The following SUCLG2 variants were observed in gnomAD, a reference collection of about 807,000 sequenced individuals.
The protein encoded by SUCLG2 is succinate-CoA ligase GDP-forming subunit beta, also known as succinate--CoA ligase [GDP-forming] subunit beta, mitochondrial.
A neutral mutation model predicts 47.9 loss-of-function variants in SUCLG2; 42 were observed. That is an observed-to-expected ratio of 0.88 (90% CI 0.69 to 1.14). The LOEUF is 1.14. Among genes scored for constraint, SUCLG2 ranks in the 50% most tolerant of loss-of-function variants. The pLI is 0.00. For missense variants in SUCLG2, 571 were observed against 525.9 expected (o/e 1.09, Z -0.84); for synonymous variants, 195 against 197.3 (o/e 0.99, Z 0.10).
chr3:67,490,778 A>C (rs1705183314), intron 9 of SUCLG2, among the ~76,000 whole-genome samples: 1 of 152,190 alleles, frequency 6.6e-6, no homozygotes, highest in Non-Finnish European at 1.5e-5. Flanking sequence ...ATGTCTATAG[A>C]TGAGGTAATA....
intron 9 of SUCLG2, among the ~76,000 whole-genome samples, chr3:67,439,207 T>C (rs1285412513): frequency 6.6e-6 from 1 of 152,208 alleles, no homozygotes; most frequent in African/African-American, 2.4e-5. Flanking sequence ...CTAAAAACTC[T>C]GAATAAACTT....
At chr3:67,631,164 T>C (rs1241063927) in intron 1 of SUCLG2, among the ~76,000 whole-genome samples, 1 of 152,134 alleles carries the variant, frequency 6.6e-6, no homozygotes, top group Non-Finnish European at 1.5e-5. Context: ...AGTGCAGGTA[T>C]GTGAAGACAT....
At chr3:67,362,877 T>A (rs1159957610) in intron 10 of SUCLG2, among the ~76,000 whole-genome samples, 2 of 152,166 alleles carry the variant, frequency 1.3e-5, no homozygotes, top group Non-Finnish European at 2.9e-5. Context: ...TATGGAGTAG[T>A]CCAGCCTGCT....
chr3:67,653,555 T>C (rs1191420192), intron 1 of SUCLG2, among the ~76,000 whole-genome samples: 1 of 152,248 alleles, frequency 6.6e-6, no homozygotes, highest in Non-Finnish European at 1.5e-5. Context: ...ATGCACATCC[T>C]GGTTAAAATT....
Position 67,558,835 on chromosome 3 carries a change from AATGATCCTTTTACCCTTACC to A in SUCLG2, c.227-29669_227-29650del, listed in dbSNP as rs1289058339. 3.9e-5 allele frequency among the ~76,000 whole-genome samples: 6 copies of A among 152,296 alleles called. No individual in the cohort carries two copies. The East Asian group carries it at 1.2e-3, about 29-fold the overall frequency. On this transcript the variant is annotated intron_variant, in intron 2 of 10. Transcript: ENST00000307227. ...CTCAGGCTGGTTTGTTAACCAGATC[AATGATCCTTTTACCCTTACC>A]ATATGGTATAATTTTGTTAATTCCC...
At chr3:67,518,484 G>T in intron 5 of SUCLG2, 148 bp from the exon 6 acceptor site, 2 of 642,868 alleles carry the variant, frequency 3.1e-6, no homozygotes, top group Non-Finnish European at 5.0e-6. Context: ...TACCGCAGAT[G>T]CCTGTAGGGT....
At chr3:67,551,309 G>A (rs1328692935) in intron 2 of SUCLG2, among the ~76,000 whole-genome samples, 2 of 152,216 alleles carry the variant, frequency 1.3e-5, no homozygotes, top group African/African-American at 2.4e-5. Flanking sequence ...GATAGGATTC[G>A]CCTGCTACAA....
At position 67,492,019 on chromosome 3, in the gene SUCLG2, G is replaced by C. The variant is rs868675891; in HGVS notation, c.1062+3779C>G. On this transcript the variant is annotated intron_variant, in intron 9 of 10. Coordinates refer to ENST00000307227, the MANE Select transcript of SUCLG2 (RefSeq NM_003848.4). ...CAGTCTGGCATAAGAATCCCACTAA[G>C]AGTCCCTTCCATTCTTCAACTTGTC... Among the ~76,000 whole-genome samples, 3 of 152,218 alleles carry C rather than the reference G, an allele frequency of 2.0e-5. No individual in the cohort carries two copies. The South Asian group carries it at 6.2e-4, about 32-fold the overall frequency.
intron 10 of SUCLG2, among the ~76,000 whole-genome samples, chr3:67,368,946 T>C (rs967935978): frequency 1.3e-5 from 2 of 152,170 alleles, no homozygotes; most frequent in African/African-American, 2.4e-5. Context: ...ACATTTATTA[T>C]GTTAAATTAG....
chr3:67,480,665 G>A (rs1017181950), intron 9 of SUCLG2, among the ~76,000 whole-genome samples: 1 of 152,182 alleles, frequency 6.6e-6, no homozygotes, highest in African/African-American at 2.4e-5. Context: ...CCTCTTTCAT[G>A]AGCTTCCACA....
intron 9 of SUCLG2, among the ~76,000 whole-genome samples, chr3:67,485,614 A>C (rs1705030281): frequency 6.6e-6 from 1 of 152,224 alleles, no homozygotes; most frequent in South Asian, 2.1e-4. Flanking sequence ...TTAAAATGAT[A>C]ATAGTGGTTG....
At chr3:67,492,022 T>C (rs1705220214) in intron 9 of SUCLG2, among the ~76,000 whole-genome samples, 2 of 151,884 alleles carry the variant, frequency 1.3e-5, no homozygotes, top group African/African-American at 4.8e-5. Flanking sequence ...CCACTAAGAG[T>C]CCCTTCCATT....
chr3:67,449,677 G>A lies in SUCLG2; in HGVS notation c.1062+46121C>T, dbSNP rs182062023. ...GTTGCCCAGGCTGGGGTGCAGTGGCGTGACCTCGCTCACTGGAGCTTCTAC... is the reference window on the plus strand; with the variant it reads ...GTTGCCCAGGCTGGGGTGCAGTGGCATGACCTCGCTCACTGGAGCTTCTAC... On this transcript the variant is annotated intron_variant, in intron 9 of 10. Coordinates refer to ENST00000307227, the MANE Select transcript of SUCLG2 (RefSeq NM_003848.4). 1.5e-3 allele frequency among the ~76,000 whole-genome samples: 231 copies of A among 150,180 alleles called. 4 individuals are homozygous for A. The highest frequency in any genetic ancestry group is 0.012 in the Admixed American group (175 of 15,108).
chr3:67,639,705 A>G (rs1016328137), intron 1 of SUCLG2, among the ~76,000 whole-genome samples: 7 of 152,088 alleles, frequency 4.6e-5, no homozygotes, highest in Non-Finnish European at 1.0e-4. Flanking sequence ...CCTCTTTGGG[A>G]TTCAGTTTAA....
At chr3:67,387,055 T>C (rs190138476) in intron 10 of SUCLG2, among the ~76,000 whole-genome samples, 424 of 152,280 alleles carry the variant, frequency 2.8e-3, no homozygotes, top group African/African-American at 9.6e-3. Flanking sequence ...GCCTCACATG[T>C]TTAGATCTGC....
rs147542681 is a variant in SUCLG2 at position 67,411,471 on chromosome 3, CA to C, written c.1063-10621del. 5.0e-3 allele frequency among the ~76,000 whole-genome samples: 756 copies of C among 152,162 alleles called. 7 individuals are homozygous for C. The highest frequency in any genetic ancestry group is 0.018 in the African/African-American group (732 of 41,516). On this transcript the variant is annotated intron_variant, in intron 9 of 10. Transcript: ENST00000307227. ...ATAAGGGGTTGACAAAGATTCATAT[CA>C]AAACCCTAGTGGATAAATATCTGGC...
chr3:67,492,391 A>C (rs968381257), intron 9 of SUCLG2, among the ~76,000 whole-genome samples: 7 of 152,220 alleles, frequency 4.6e-5, no homozygotes, highest in African/African-American at 1.7e-4. Context: ...GTTCAGAATT[A>C]AAATACAAAC....
At chr3:67,418,742 C>G (rs1703088498) in intron 9 of SUCLG2, among the ~76,000 whole-genome samples, 1 of 152,148 alleles carries the variant, frequency 6.6e-6, no homozygotes, top group South Asian at 2.1e-4. Context: ...AACCTCTGTT[C>G]CTGGAGCCCA....
intron 9 of SUCLG2, among the ~76,000 whole-genome samples, chr3:67,471,234 C>T (rs1704598038): frequency 6.6e-6 from 1 of 152,102 alleles, no homozygotes; most frequent in Non-Finnish European, 1.5e-5. Context: ...CCTGGGAAGT[C>T]TGAAGGCTTC....
Sources: allele counts gnomAD v4.1 joint callset (sites outside exome capture counted in the v4.1 genomes callset), GRCh38; gene constraint gnomAD v4.1.1; transcripts MANE v1.5; gene names NCBI Gene and HGNC (gene_info 2026-07-23, HGNC 2026-07-21).